CDH7: variants seen among roughly 807,000 people sequenced by gnomAD.
CDH7 encodes cadherin 7, also known as cadherin-7.
A neutral mutation model predicts 71.8 loss-of-function variants in CDH7; 25 were observed. The ratio of observed to expected loss-of-function variants is 0.35; its 90% CI spans 0.25 to 0.49. The LOEUF (loss-of-function observed/expected upper bound fraction) is 0.49, where lower values mean the gene tolerates loss of function less well. Among genes scored for constraint, CDH7 ranks in the 20% least tolerant of loss-of-function variants. The pLI, the probability that CDH7 is intolerant of heterozygous loss-of-function variation, is 0.99. For missense variants in CDH7, 862 were observed against 974.6 expected (o/e 0.88, Z 1.54); for synonymous variants, 381 against 363.8 (o/e 1.05, Z -0.54).
rs1913623828 is a variant in CDH7, at chr18:65,862,864, G to T, written c.1811G>T (p.Gly604Val). 5 of 1,614,134 alleles carry T rather than the reference G, an allele frequency of 3.1e-6. No individual in the cohort carries two copies. The highest frequency in any genetic ancestry group is 4.2e-6 in the Non-Finnish European group (5 of 1,180,010). The change falls in exon 11 of 12, where the codon GGC becomes GTC. Residue 604 changes from glycine (G) to valine (V), a missense_variant. Transcript: ENST00000397968. ...CNAEAYVLPA[G>V]LSTGALIAIL... Reference sequence around the variant, plus strand: ...GCAGAGGCCTATGTCCTACCTGCTGGCCTCAGTACAGGAGCCCTGATAGCC... The same window carrying T: ...GCAGAGGCCTATGTCCTACCTGCTGTCCTCAGTACAGGAGCCCTGATAGCC...
rs192042821 is a variant in CDH7, at chr18:65,805,710, C to T, written c.211-3994C>T. Among the ~76,000 whole-genome samples, 27 of 152,264 alleles carry T rather than the reference C, an allele frequency of 1.8e-4. No homozygotes were observed. In the East Asian group the frequency reaches 5.0e-3, roughly 28 times the overall value. On this transcript the variant is annotated intron_variant, in intron 2 of 11. Transcript: ENST00000397968. ...GGAAGCTCCGGGCCATGCCCAGGGG[C>T]CGATCCATCATGAAAGTCCTTCAGG...
At chr18:65,849,394 CTTTTCTTTTCT>C (rs1913060677) in intron 7 of CDH7, among the ~76,000 whole-genome samples, 1 of 119,512 alleles carries the variant, frequency 8.4e-6, no homozygotes, top group Admixed American at 8.8e-5. Context: ...CTTTTCTTTT[CTTTTCTTTTCT>C]TTTCTTTTCT....
intron 10 of CDH7, among the ~76,000 whole-genome samples, chr18:65,862,230 C>A (rs1913591001): frequency 6.6e-6 from 1 of 151,994 alleles, no homozygotes; most frequent in South Asian, 2.1e-4. Context: ...AAATATTGGT[C>A]TTGCAACTTG....
At chr18:65,754,145 G>A (rs1463952965) in intron 1 of CDH7, among the ~76,000 whole-genome samples, 2 of 152,080 alleles carry the variant, frequency 1.3e-5, no homozygotes, top group Admixed American at 6.5e-5. Context: ...TTTAATTTAC[G>A]AATGTTTCTT....
chr18:65,810,011 C>T lies in CDH7; in HGVS notation c.505+13C>T, dbSNP rs879414475. 6.3e-7 allele frequency: 1 copy of T among 1,598,772 alleles called. No individual in the cohort carries two copies. Among genetic ancestry groups the T allele is most frequent in the Non-Finnish European group, 8.6e-7 (1 of 1,167,594 alleles). On this transcript the variant is annotated intron_variant, in intron 3 of 11. Coordinates refer to ENST00000397968, the MANE Select transcript of CDH7 (RefSeq NM_004361.5). ...ATGTCTCCCGTGGGTAAGTAAAGAA[C>T]ACTCTGCTTTTGTAGCTTGTGGCCG...
In CDH7 at chr18:65,881,704, T is replaced by C. The variant is rs1276331359; in HGVS notation, c.*810T>C. ...TTTTATTTGACACATGGTGTTGTAT[T>C]TATTTTGGAGCTCCAATCTCCACTA... On this transcript the variant is annotated 3_prime_UTR_variant, in exon 12 of 12. Coordinates refer to ENST00000397968, the MANE Select transcript of CDH7 (RefSeq NM_004361.5). 1.3e-5 allele frequency: 2 copies of C among 152,174 alleles called. No homozygotes were observed. Among genetic ancestry groups the C allele is most frequent in the Non-Finnish European group, 2.9e-5 (2 of 68,012 alleles). The allele number at this position is 152,174 out of a possible 1,614,324, so 9.4% of individuals were successfully genotyped here. A position where few individuals can be genotyped will look rare whatever the true frequency, so the allele number is the denominator to read the frequency against.
At chr18:65,779,117 G>T in intron 2 of CDH7, among the ~76,000 whole-genome samples, 2 of 150,362 alleles carry the variant, frequency 1.3e-5, no homozygotes, top group African/African-American at 4.9e-5. Context: ...TTATTTTTTA[G>T]TAAATTTTGT....
intron 7 of CDH7, among the ~76,000 whole-genome samples, chr18:65,849,520 C>T (rs1599049360): frequency 6.6e-6 from 1 of 151,394 alleles, no homozygotes; most frequent in South Asian, 2.1e-4. Context: ...TCAAGCAATT[C>T]TTCTGCCCCT....
intron 2 of CDH7, among the ~76,000 whole-genome samples, chr18:65,769,332 C>T (rs1347975818): frequency 6.6e-6 from 1 of 152,216 alleles, no homozygotes; most frequent in Admixed American, 6.5e-5. Flanking sequence ...GTTAAAGTAG[C>T]AATTTTCTTG....
intron 6 of CDH7, among the ~76,000 whole-genome samples, chr18:65,826,149 A>G (rs957526597): frequency 4.0e-5 from 6 of 151,496 alleles, no homozygotes; most frequent in African/African-American, 1.4e-4. Flanking sequence ...GAAAATTGCT[A>G]GAAAAAGAGA....
At chr18:65,851,702 A>T (rs1412414890) in intron 7 of CDH7, among the ~76,000 whole-genome samples, 1 of 152,242 alleles carries the variant, frequency 6.6e-6, no homozygotes, top group African/African-American at 2.4e-5. Context: ...ACTCATTTTA[A>T]AAAATTCAGT....
At chr18:65,781,073 A>G (rs1380601373) in intron 2 of CDH7, among the ~76,000 whole-genome samples, 1 of 152,006 alleles carries the variant, frequency 6.6e-6, no homozygotes, top group Non-Finnish European at 1.5e-5. Context: ...ATAAAACACA[A>G]ATAAGAATCT....
At chr18:65,809,309 A>C (rs922350894) in intron 2 of CDH7, among the ~76,000 whole-genome samples, 3 of 152,214 alleles carry the variant, frequency 2.0e-5, no homozygotes, top group African/African-American at 7.2e-5. Context: ...CCAGATTTAC[A>C]AATGTTCTAT....
At chr18:65,876,043 G>A (rs1914063382) in intron 11 of CDH7, among the ~76,000 whole-genome samples, 1 of 152,132 alleles carries the variant, frequency 6.6e-6, no homozygotes, top group Non-Finnish European at 1.5e-5. Context: ...TTTTATTCTT[G>A]TAATTCTCTT....
intron 3 of CDH7, among the ~76,000 whole-genome samples, chr18:65,811,976 T>TTA (rs1911558211): frequency 7.3e-6 from 1 of 137,456 alleles, no homozygotes; most frequent in Non-Finnish European, 1.6e-5. Flanking sequence ...CTTTTTTTTT[T>TTA]TTTTTTTTTG....
At chr18:65,781,986 C>T (rs1772975576) in intron 2 of CDH7, among the ~76,000 whole-genome samples, 1 of 73,446 alleles carries the variant, frequency 1.4e-5, no homozygotes, top group Admixed American at 1.1e-4. Context: ...CTCTCTCTCT[C>T]TTTCTCTCTT....
At chr18:65,792,880 G>A (rs1200432518) in intron 2 of CDH7, among the ~76,000 whole-genome samples, 1 of 152,134 alleles carries the variant, frequency 6.6e-6, no homozygotes, top group East Asian at 1.9e-4. Context: ...GGGCAGTGCA[G>A]TACAGCATCC....
chr18:65,846,925 G>T (rs1395990149), intron 7 of CDH7, among the ~76,000 whole-genome samples: 1 of 152,092 alleles, frequency 6.6e-6, no homozygotes, highest in African/African-American at 2.4e-5. Flanking sequence ...ATAGGTTATT[G>T]TGTTTCCATG....
intron 2 of CDH7, among the ~76,000 whole-genome samples, chr18:65,785,891 G>A (rs928283590): frequency 1.3e-5 from 2 of 152,090 alleles, no homozygotes; most frequent in African/African-American, 4.8e-5. Flanking sequence ...AGTACATATA[G>A]CAGTAGAATA....
Sources: gnomAD v4.1 joint callset for allele counts (sites outside exome capture counted in the v4.1 genomes callset) on GRCh38, gnomAD v4.1.1 for gene constraint, MANE v1.5 for transcripts, NCBI Gene and HGNC (gene_info 2026-07-23, HGNC 2026-07-21) for gene names.